The following CEP350 variants were observed in gnomAD, a reference collection of about 807,000 sequenced individuals.
CEP350 encodes the protein centrosomal protein 350, also known as centrosome-associated protein 350.
Under a neutral mutation model 331.8 loss-of-function variants are expected in CEP350, and 126 were observed. The observed-to-expected ratio is 0.38, with a 90% CI of 0.33 to 0.44. The LOEUF (loss-of-function observed/expected upper bound fraction) is 0.44. Ranked by LOEUF, CEP350 falls within the 20% of genes least tolerant of loss-of-function variation. The probability of loss-of-function intolerance (pLI) is 1.00; values close to 1 mark genes in which losing one functional copy is unlikely to be tolerated. For synonymous variants in CEP350, 1,200 were observed against 1,259.5 expected (o/e 0.95, Z 1.00); for missense variants, 3,406 against 3,634.6 (o/e 0.94, Z 1.62).
intron 6 of CEP350, among the ~76,000 whole-genome samples, chr1:179,999,386 A>G (rs1247804902): frequency 2.0e-5 from 3 of 152,118 alleles, no homozygotes; most frequent in Non-Finnish European, 4.4e-5. Flanking sequence ...TATTTTATAA[A>G]TATGACTTTT....
At chr1:179,997,769 A>T (rs1299386017) in intron 6 of CEP350, among the ~76,000 whole-genome samples, 2 of 152,282 alleles carry the variant, frequency 1.3e-5, no homozygotes, top group African/African-American at 4.8e-5. Context: ...TAATGCCTTT[A>T]TGCTGCCATT....
At chr1:180,054,233 C>T (rs963109218) in intron 24 of CEP350, among the ~76,000 whole-genome samples, 182 bp from the exon 25 acceptor site, 2 of 152,218 alleles carry the variant, frequency 1.3e-5, no homozygotes, top group South Asian at 2.1e-4. Flanking sequence ...CTAGGGCTTG[C>T]ATATACCTCA....
intron 1 of CEP350, among the ~76,000 whole-genome samples, chr1:179,960,910 G>A (rs549419646): frequency 7.9e-5 from 12 of 151,982 alleles, no homozygotes; most frequent in African/African-American, 2.2e-4. Context: ...TTTTGGCCTA[G>A]GGGTTCCATG....
intron 36 of CEP350, among the ~76,000 whole-genome samples, chr1:180,097,553 T>G (rs1169413966): frequency 6.6e-6 from 1 of 152,192 alleles, no homozygotes; most frequent in Admixed American, 6.5e-5. Flanking sequence ...AGAACATTGT[T>G]TTTTTAACAG....
intron 1 of CEP350, among the ~76,000 whole-genome samples, chr1:179,974,340 A>T (rs1320023035): frequency 6.6e-6 from 1 of 152,166 alleles, no homozygotes; most frequent in Non-Finnish European, 1.5e-5. Flanking sequence ...TTGGCCTCCC[A>T]AAGTGCTGGG....
rs374226729 is a variant in CEP350, at chr1:180,078,697, C to G, written c.5979+23C>G. ...CATGTAAGTTAATGTATATTTATAT[C>G]TTAAAGATTCTCTAGAAAAAAAACT... is the stretch of plus-strand genomic sequence containing the variant. On this transcript the variant is annotated intron_variant, in intron 29 of 37. Transcript: ENST00000367607. 181 of 1,543,498 alleles carry G rather than the reference C, an allele frequency of 1.2e-4. 1 individual carries two copies. The highest frequency in any genetic ancestry group is 1.4e-4 in the Non-Finnish European group (162 of 1,143,938).
At position 180,093,157 on chromosome 1, in the gene CEP350, A is replaced by G; in HGVS notation, c.7052A>G (p.His2351Arg). The G allele has an allele frequency of 1.3e-6, 2 of 1,599,276 alleles. No homozygotes were observed. The highest frequency in any genetic ancestry group is 1.3e-5 in the African/African-American group (1 of 74,912). ...SPNIQSGKDI[H>R]EQKNTKEKDL... ...AACATCCAATCAGGAAAAGACATTC[A>G]CGAACAAAAGAACACAAAGGAAAAA... Residue 2351 changes from histidine (H) to arginine (R), a missense_variant, in exon 34 of 38, where the codon CAC (histidine) becomes CGC (arginine). His to Arg is a conservative substitution (Grantham distance 29). Transcript: ENST00000367607.
chr1:180,073,641 G>A (rs1421293789), intron 27 of CEP350: 1 of 241,114 alleles, frequency 4.1e-6, no homozygotes, highest in East Asian at 1.8e-4. Flanking sequence ...GTCACACAGA[G>A]TGTAATGCCT....
chr1:179,981,248 A>G (rs2148647026), intron 1 of CEP350, among the ~76,000 whole-genome samples: 1 of 152,332 alleles, frequency 6.6e-6, no homozygotes, highest in South Asian at 2.1e-4. Context: ...TAGACAAAAG[A>G]TAATACACAA....
At chr1:180,064,670 A>G (rs1039445049) in intron 26 of CEP350, among the ~76,000 whole-genome samples, 1 of 152,198 alleles carries the variant, frequency 6.6e-6, no homozygotes, top group African/African-American at 2.4e-5. Context: ...GAAAAAACCC[A>G]TGCCCTAGTA....
chr1:180,069,739 A>T (rs1427069680), intron 27 of CEP350, among the ~76,000 whole-genome samples: 1 of 152,162 alleles, frequency 6.6e-6, no homozygotes, highest in African/African-American at 2.4e-5. Context: ...TCCTGTTTTT[A>T]TATTATTAAA....
intron 28 of CEP350, 72 bp from the exon 29 acceptor site, chr1:180,078,391 T>C (rs1444154915): frequency 1.3e-5 from 14 of 1,095,526 alleles, no homozygotes; most frequent in Non-Finnish European, 1.9e-5. Flanking sequence ...CTAAAAACAA[T>C]GTTTATTAGT....
intron 24 of CEP350, 135 bp downstream of exon 24, chr1:180,054,069 A>T (rs1657668575): frequency 1.5e-6 from 1 of 670,772 alleles, no homozygotes; most frequent in African/African-American, 1.8e-5. Flanking sequence ...AACGGCAGTC[A>T]TACTTGATTT....
At chr1:180,031,536 T>C (rs1656019786) in intron 15 of CEP350, 42 bp downstream of exon 15, 2 of 965,100 alleles carry the variant, frequency 2.1e-6, no homozygotes, top group South Asian at 4.1e-5. Context: ...TAATTAAAGA[T>C]ATATAATTGA....
intron 6 of CEP350, among the ~76,000 whole-genome samples, chr1:179,999,044 C>T (rs373827825): frequency 1.3e-5 from 2 of 152,012 alleles, no homozygotes; most frequent in African/African-American, 2.4e-5. Flanking sequence ...TAGCAAATGG[C>T]GAGGTCAAAA....
intron 21 of CEP350, among the ~76,000 whole-genome samples, chr1:180,047,802 A>G (rs1657232062): frequency 6.6e-6 from 1 of 151,528 alleles, no homozygotes; most frequent in Admixed American, 6.6e-5. Context: ...CCAAAACAGA[A>G]CCATCAATTT....
At position 180,020,360 on chromosome 1, in the gene CEP350, T is replaced by C. The variant is rs200742239; in HGVS notation, c.2586T>C (p.Asp862=). ...GGTCAGCATGGAACACTGAGTATGATGTGCAGCAGGCACCTCAAGAAGATG... is the reference window on the plus strand; with the variant it reads ...GGTCAGCATGGAACACTGAGTATGACGTGCAGCAGGCACCTCAAGAAGATG... ...NYGSAWNTEY[D]VQQAPQEDGP... is the part of the protein sequence containing the mutation. Residue 862 remains aspartate (D), a synonymous_variant, in exon 12 of 38, where the codon GAT becomes GAC. Coordinates refer to ENST00000367607, the MANE Select transcript of CEP350 (RefSeq NM_014810.5). The C allele has an allele frequency of 8.7e-6, 14 of 1,613,858 alleles. No homozygotes were observed. Among genetic ancestry groups the C allele is most frequent in the Admixed American group, 3.3e-5 (2 of 60,032 alleles).
At chr1:180,055,825 A>G (rs1024370977) in intron 25 of CEP350, among the ~76,000 whole-genome samples, 2 of 152,082 alleles carry the variant, frequency 1.3e-5, no homozygotes, top group Non-Finnish European at 2.9e-5. Flanking sequence ...GATTACAGGC[A>G]TGAGCCACCT....
chr1:180,095,442 G>A (rs1406313285), intron 34 of CEP350, 81 bp from the exon 35 acceptor site: 2 of 1,425,556 alleles, frequency 1.4e-6, no homozygotes, highest in Non-Finnish European at 1.9e-6. Context: ...TATAAATAAT[G>A]CATTTACTCT....
Sources: gnomAD v4.1 joint callset for allele counts (sites outside exome capture counted in the v4.1 genomes callset) on GRCh38, gnomAD v4.1.1 for gene constraint, MANE v1.5 for transcripts, NCBI Gene and HGNC (gene_info 2026-07-23, HGNC 2026-07-21) for gene names.